Variants in SMC2 observed in about 807,000 individuals in gnomAD.
The protein encoded by SMC2 is structural maintenance of chromosomes 2.
In SMC2, 41 loss-of-function variants were observed where a neutral mutation model predicts 142.6. The ratio of observed to expected loss-of-function variants is 0.29; its 90% CI spans 0.22 to 0.37. SMC2 has a LOEUF of 0.37. Among genes scored for constraint, SMC2 ranks in the 10% least tolerant of loss-of-function variants. SMC2 has a pLI of 1.00. For synonymous variants in SMC2, 463 were observed against 457.5 expected (o/e 1.01, Z -0.15); for missense variants, 1,265 against 1,373.7 (o/e 0.92, Z 1.25).
At chr9:104,110,698 G>A (rs138139366) in intron 9 of SMC2, among the ~76,000 whole-genome samples, 2 of 152,170 alleles carry the variant, frequency 1.3e-5, no homozygotes, top group African/African-American at 2.4e-5. Context: ...CTCCTAGTCC[G>A]GTTCCTCAAA....
At chr9:104,130,599 CTG>C (rs2131533115) in intron 21 of SMC2, among the ~76,000 whole-genome samples, 1 of 152,088 alleles carries the variant, frequency 6.6e-6, no homozygotes, top group East Asian at 1.9e-4. Flanking sequence ...TTTTTTTTAA[CTG>C]TTTTTGGCAT....
At chr9:104,104,240 T>C (rs1295054182) in intron 9 of SMC2, among the ~76,000 whole-genome samples, 1 of 152,212 alleles carries the variant, frequency 6.6e-6, no homozygotes, top group Non-Finnish European at 1.5e-5. Context: ...AGGTTTATTG[T>C]GTGCAGATTA....
intron 7 of SMC2, among the ~76,000 whole-genome samples, chr9:104,101,709 C>T (rs534208278): frequency 1.2e-3 from 187 of 152,230 alleles, no homozygotes; most frequent in African/African-American, 4.3e-3. Context: ...GTCCATATTT[C>T]TTTGTTAAGC....
Position 104,118,341 on chromosome 9 carries a change from T to C in SMC2, c.1962T>C (p.Gly654=). The change falls in exon 15 of 25, where the codon GGT becomes GGC. Residue 654 remains glycine (G), a synonymous_variant. Coordinates refer to ENST00000374793, the MANE Select transcript of SMC2 (RefSeq NM_006444.3). Reference sequence around the variant, plus strand: ...TGACTAGAACTGTAACTCTCGGAGGTGATGTGTTTGATCCTCATGGGACAT... The same window carrying C: ...TGACTAGAACTGTAACTCTCGGAGGCGATGTGTTTGATCCTCATGGGACAT... The part of the protein sequence containing the change: ...RIMTRTVTLG[G]DVFDPHGTLS... 6.2e-7 allele frequency: 1 copy of C among 1,613,508 alleles called. No homozygotes were observed. Among genetic ancestry groups the C allele is most frequent in the Non-Finnish European group, 8.5e-7 (1 of 1,179,618 alleles).
chr9:104,091,644 C>T (rs368306229), upstream of SMC2, among the ~76,000 whole-genome samples: 1 of 152,212 alleles, frequency 6.6e-6, no homozygotes, highest in East Asian at 1.9e-4. Flanking sequence ...CAAAATGAGT[C>T]TTCCTTACTT....
In SMC2 at chr9:104,097,843, A is replaced by C. The variant is rs185194361; in HGVS notation, c.319-603A>C. On this transcript the variant is annotated intron_variant, in intron 3 of 24. Transcript: ENST00000374793. The stretch of plus-strand genomic sequence containing the variant: ...GAATGTACTGGGATGTACAGTTAGA[A>C]GAATGAGAAACAGAGCTTGTCTTTA... 3.5e-3 allele frequency among the ~76,000 whole-genome samples: 534 copies of C among 152,306 alleles called. 2 individuals are homozygous for C. Among genetic ancestry groups the C allele is most frequent in the African/African-American group, 0.012 (510 of 41,570 alleles).
At chr9:104,090,785 A>T (rs1444748770), upstream of SMC2, among the ~76,000 whole-genome samples, 1 of 152,172 alleles carries the variant, frequency 6.6e-6, no homozygotes, top group African/African-American at 2.4e-5. Context: ...ACTGAGTAAG[A>T]GTCAGTGGAG....
At chr9:104,126,598 G>C (rs780678870) in intron 18 of SMC2, 43 bp from the exon 19 acceptor site, 16 of 1,490,098 alleles carry the variant, frequency 1.1e-5, no homozygotes, top group African/African-American at 2.8e-5. Context: ...TTTTTCAGTA[G>C]TTAATAACCT....
chr9:104,131,237 T>G (rs771025189), intron 21 of SMC2, among the ~76,000 whole-genome samples: 6 of 152,146 alleles, frequency 3.9e-5, no homozygotes, highest in Admixed American at 3.9e-4. Context: ...GCAACCGTTA[T>G]GTCAGAGAAA....
intron 13 of SMC2, among the ~76,000 whole-genome samples, chr9:104,115,880 G>A (rs1833049022): frequency 6.6e-6 from 1 of 151,574 alleles, no homozygotes. Context: ...CCTCATCCCT[G>A]ATAACCACTA....
intron 22 of SMC2, among the ~76,000 whole-genome samples, chr9:104,134,144 T>G (rs1197935016): frequency 6.6e-6 from 1 of 152,124 alleles, no homozygotes; most frequent in Non-Finnish European, 1.5e-5. Flanking sequence ...CAGTAATTCA[T>G]TTTTGTAAAG....
intron 13 of SMC2, among the ~76,000 whole-genome samples, chr9:104,115,819 C>CAAAT (rs1268808433): frequency 6.6e-6 from 1 of 152,082 alleles, no homozygotes; most frequent in African/African-American, 2.4e-5. Context: ...TACCCAACTG[C>CAAAT]AAATATGTAC....
rs745900616 is a variant in SMC2, at chr9:104,096,042, T to G, written c.169-106T>G. 3.1e-6 allele frequency: 3 copies of G among 973,940 alleles called. No homozygotes were observed. In the East Asian group the frequency reaches 7.3e-5, roughly 24 times the overall value. 60.3% of individuals were successfully genotyped at this position (973,940 alleles called of 1,614,324 possible). The stretch of plus-strand genomic sequence containing the variant: ...CAGCTGCCTAACCTTGTCTACTTAA[T>G]GGACACTACGTTGGTGGGTTTTCCA... On this transcript the variant is annotated intron_variant, in intron 2 of 24. Coordinates refer to ENST00000374793, the MANE Select transcript of SMC2 (RefSeq NM_006444.3).
intron 9 of SMC2, among the ~76,000 whole-genome samples, chr9:104,104,174 T>C (rs1372135217): frequency 6.6e-6 from 1 of 152,224 alleles, no homozygotes; most frequent in Non-Finnish European, 1.5e-5. Context: ...ATATCATCTA[T>C]ATGTTGATGC....
At chr9:104,099,593 A>C (rs1275714841) in intron 4 of SMC2, 51 bp from the exon 5 acceptor site, 1 of 1,207,418 alleles carries the variant, frequency 8.3e-7, no homozygotes, top group Non-Finnish European at 1.2e-6. Flanking sequence ...CAGTACAGAT[A>C]AACATTTTCT....
At chr9:104,094,279 A>C (rs1387132295), upstream of SMC2, 5 of 398,458 alleles carry the variant, frequency 1.3e-5, no homozygotes, top group African/African-American at 1.0e-4. Flanking sequence ...TAAGCAATGG[A>C]GGTGGGGTCC....
chr9:104,113,832 C>A, intron 11 of SMC2, 132 bp from the exon 12 acceptor site: 1 of 592,390 alleles, frequency 1.7e-6, no homozygotes, highest in Non-Finnish European at 2.9e-6. Context: ...GAAGGTTCAG[C>A]ATGCTTTTTT....
intron 12 of SMC2, 121 bp from the exon 13 acceptor site, chr9:104,114,570 T>A (rs1832866073): frequency 1.1e-6 from 1 of 875,980 alleles, no homozygotes; most frequent in African/African-American, 2.5e-5. Context: ...GTTAAAACCA[T>A]TTTGCTGATT....
At chr9:104,110,388 C>T (rs906659830) in intron 9 of SMC2, among the ~76,000 whole-genome samples, 4 of 152,142 alleles carry the variant, frequency 2.6e-5, no homozygotes, top group African/African-American at 9.7e-5. Flanking sequence ...TGTATTTTCT[C>T]TTATGCTTTT....
Sources: gnomAD v4.1 joint callset for allele counts (sites outside exome capture counted in the v4.1 genomes callset) on GRCh38, gnomAD v4.1.1 for gene constraint, MANE v1.5 for transcripts, NCBI Gene and HGNC (gene_info 2026-07-23, HGNC 2026-07-21) for gene names.